Variants in STK39 observed in about 807,000 individuals in gnomAD.
The protein encoded by STK39 is serine/threonine kinase 39.
STK39 carries 20 observed loss-of-function variants against 77.8 expected under a neutral mutation model. That is an observed-to-expected ratio of 0.26 (90% CI 0.18 to 0.37). STK39 has a LOEUF of 0.37. Among genes scored for constraint, STK39 ranks in the 10% least tolerant of loss-of-function variants. STK39 has a pLI of 1.00. For missense variants in STK39, 479 were observed against 656.5 expected (o/e 0.73, Z 2.95); for synonymous variants, 246 against 234.1 (o/e 1.05, Z -0.47).
At chr2:168,132,143 C>T (rs1028408266) in intron 8 of STK39, among the ~76,000 whole-genome samples, 1 of 152,084 alleles carries the variant, frequency 6.6e-6, no homozygotes, top group Non-Finnish European at 1.5e-5. Flanking sequence ...TGTTTGGGAA[C>T]CTCACAACAT....
intron 10 of STK39, among the ~76,000 whole-genome samples, chr2:168,086,146 T>C (rs562874915): frequency 7.9e-5 from 12 of 152,308 alleles, no homozygotes; most frequent in African/African-American, 2.9e-4. Flanking sequence ...ATAACGATGG[T>C]GATAAGGGAT....
intron 14 of STK39, among the ~76,000 whole-genome samples, chr2:168,024,112 T>C (rs2105329892): frequency 6.6e-6 from 1 of 152,280 alleles, no homozygotes; most frequent in South Asian, 2.1e-4. Context: ...TCAGCTTGCC[T>C]CTTGTCCTAC....
At chr2:168,006,049 A>T (rs1684124734) in intron 16 of STK39, among the ~76,000 whole-genome samples, 1 of 152,230 alleles carries the variant, frequency 6.6e-6, no homozygotes, top group South Asian at 2.1e-4. Context: ...AGGAAACAGA[A>T]ATTCCAACAT....
At chr2:168,193,466 CATCATTGAGTGAGAAGGAAA>C (rs1441521350) in intron 1 of STK39, among the ~76,000 whole-genome samples, 1 of 152,226 alleles carries the variant, frequency 6.6e-6, no homozygotes, top group Admixed American at 6.5e-5. Context: ...GCCCTGAGAA[CATCATTGAGTGAGAAGGAAA>C]ATTAAGACAC....
At chr2:168,168,342 C>T (rs16855007) in intron 2 of STK39, among the ~76,000 whole-genome samples, 3,384 of 152,172 alleles carry the variant, frequency 0.022, 130 homozygotes, top group African/African-American at 0.077. Context: ...GGATGACTCC[C>T]ATAAAAGCTT....
At chr2:168,039,762 T>C (rs183141774) in intron 14 of STK39, among the ~76,000 whole-genome samples, 3 of 152,290 alleles carry the variant, frequency 2.0e-5, no homozygotes, top group Admixed American at 1.3e-4. Context: ...GCTGTCAAAA[T>C]TCATCAAACA....
At position 168,094,555 on chromosome 2, in the gene STK39, C is replaced by T. The variant is rs146625963; in HGVS notation, c.1090-19324G>A. On this transcript the variant is annotated intron_variant, in intron 10 of 17. Coordinates refer to ENST00000355999, the MANE Select transcript of STK39 (RefSeq NM_013233.3). ...TCTTACTATGAAAAACAAGCTAAAT[C>T]CAATGTCCTTTTGTGAGTCTTCATT... 5.5e-3 allele frequency among the ~76,000 whole-genome samples: 838 copies of T among 152,326 alleles called. 3 individuals carry two copies. The highest frequency in any genetic ancestry group is 7.0e-3 in the Non-Finnish European group (477 of 68,020).
intron 14 of STK39, among the ~76,000 whole-genome samples, chr2:168,029,668 T>C (rs1684784793): frequency 6.6e-6 from 1 of 152,180 alleles, no homozygotes; most frequent in Non-Finnish European, 1.5e-5. Flanking sequence ...AAAAGTGTCT[T>C]GTCAAGTGCT....
intron 1 of STK39, among the ~76,000 whole-genome samples, chr2:168,215,252 T>G: frequency 6.6e-6 from 1 of 151,916 alleles, no homozygotes. Flanking sequence ...ACTCCAATCA[T>G]ACTCTCCCCC....
At chr2:168,096,616 GACCT>G (rs1256888821) in intron 10 of STK39, among the ~76,000 whole-genome samples, 1 of 152,116 alleles carries the variant, frequency 6.6e-6, no homozygotes, top group African/African-American at 2.4e-5. Context: ...ACCTGCTGTG[GACCT>G]ACCTATTTTC....
chr2:168,242,544 T>A (rs1443624651), intron 1 of STK39, among the ~76,000 whole-genome samples: 2 of 21,240 alleles, frequency 9.4e-5, no homozygotes. Context: ...GCAAGACTCT[T>A]ACAAAAAAAA....
chr2:168,064,230 G>C (rs781148213), intron 13 of STK39, among the ~76,000 whole-genome samples: 20 of 152,292 alleles, frequency 1.3e-4, no homozygotes, highest in Middle Eastern at 3.4e-3. Context: ...AAATGATATA[G>C]ATGAAAGTGA....
intron 2 of STK39, among the ~76,000 whole-genome samples, chr2:168,171,862 T>TCCCCCC (rs200147918): frequency 8.6e-5 from 6 of 69,434 alleles, no homozygotes; most frequent in African/African-American, 1.0e-4. Flanking sequence ...CACTCCCCCC[T>TCCCCCC]CCCCCCCACA....
At chr2:168,243,156 T>A (rs1359412931) in intron 1 of STK39, among the ~76,000 whole-genome samples, 1 of 152,114 alleles carries the variant, frequency 6.6e-6, no homozygotes, top group Non-Finnish European at 1.5e-5. Context: ...CCAGCGAAGG[T>A]ACCACTGTCC....
At chr2:168,221,734 A>G (rs754001929) in intron 1 of STK39, among the ~76,000 whole-genome samples, 2 of 152,164 alleles carry the variant, frequency 1.3e-5, no homozygotes, top group Non-Finnish European at 2.9e-5. Context: ...AAGTTCCTCA[A>G]GGTCAGACCG....
intron 14 of STK39, among the ~76,000 whole-genome samples, chr2:168,037,180 T>A (rs981122941): frequency 5.3e-5 from 8 of 152,210 alleles, no homozygotes; most frequent in East Asian, 3.8e-4. Flanking sequence ...CCTCCCTCAC[T>A]TTGTCCACCT....
chr2:168,177,905 T>C (rs1263431427), intron 2 of STK39, among the ~76,000 whole-genome samples: 2 of 152,206 alleles, frequency 1.3e-5, no homozygotes, highest in Admixed American at 6.5e-5. Flanking sequence ...CTAAACCATT[T>C]CTGGGCAAAT....
chr2:168,075,594 C>G (rs1686059321), intron 10 of STK39, among the ~76,000 whole-genome samples: 1 of 151,856 alleles, frequency 6.6e-6, no homozygotes, highest in African/African-American at 2.4e-5. Context: ...ATCAAATTGC[C>G]TAAGGAAGCG....
chr2:167,983,063 T>C (rs936914744), intron 16 of STK39, among the ~76,000 whole-genome samples: 1 of 152,228 alleles, frequency 6.6e-6, no homozygotes, highest in East Asian at 1.9e-4. Flanking sequence ...AATGGACGAA[T>C]GAAAATAACC....
Sources: gnomAD v4.1 joint callset for allele counts (sites outside exome capture counted in the v4.1 genomes callset) on GRCh38, gnomAD v4.1.1 for gene constraint, MANE v1.5 for transcripts, NCBI Gene and HGNC (gene_info 2026-07-23, HGNC 2026-07-21) for gene names.